The following NKAIN2 variants were observed in gnomAD, a reference collection of about 807,000 sequenced individuals.
The protein encoded by NKAIN2 is sodium/potassium transporting ATPase interacting 2.
A neutral mutation model predicts 32.6 loss-of-function variants in NKAIN2; 14 were observed. The ratio of observed to expected loss-of-function variants is 0.43; its 90% CI spans 0.28 to 0.67. NKAIN2 has a LOEUF of 0.67. Among genes scored for constraint, NKAIN2 ranks in the 30% least tolerant of loss-of-function variants. The probability of loss-of-function intolerance (pLI) is 0.17; values close to 1 mark genes in which losing one functional copy is unlikely to be tolerated. For missense variants in NKAIN2, 198 were observed against 258.3 expected (o/e 0.77, Z 1.60); for synonymous variants, 80 against 87.2 (o/e 0.92, Z 0.46).
intron 1 of NKAIN2, among the ~76,000 whole-genome samples, chr6:123,849,001 A>G (rs1353213784): frequency 2.0e-5 from 3 of 152,198 alleles, no homozygotes; most frequent in Non-Finnish European, 2.9e-5. Context: ...AAACATTTCT[A>G]TAATTCTCAG....
chr6:123,888,276 G>A (rs973294135), intron 1 of NKAIN2, among the ~76,000 whole-genome samples: 1 of 152,074 alleles, frequency 6.6e-6, no homozygotes, highest in African/African-American at 2.4e-5. Flanking sequence ...ATTAATGGAA[G>A]TCATATGTGA....
chr6:124,157,300 T>C (rs541004838), intron 1 of NKAIN2, among the ~76,000 whole-genome samples: 1 of 150,680 alleles, frequency 6.6e-6, no homozygotes, highest in Non-Finnish European at 1.5e-5. Flanking sequence ...GCATGCTTCT[T>C]CCTATGTTCT....
intron 3 of NKAIN2, among the ~76,000 whole-genome samples, chr6:124,548,000 T>G (rs1455192630): frequency 2.6e-5 from 4 of 152,198 alleles, no homozygotes. Flanking sequence ...ATGTCTCGGA[T>G]TCAGTATTAT....
chr6:124,726,216 G>A (rs1776296464), intron 4 of NKAIN2, among the ~76,000 whole-genome samples: 1 of 151,918 alleles, frequency 6.6e-6, no homozygotes, highest in African/African-American at 2.4e-5. Context: ...ACAGCTCAAG[G>A]AGGCCTGCCT....
chr6:124,133,002 G>A (rs151338190), intron 1 of NKAIN2, among the ~76,000 whole-genome samples: 3,528 of 152,254 alleles, frequency 0.023, 43 homozygotes, highest in Non-Finnish European at 0.032. Context: ...GTCATTTCTC[G>A]CAACAGGGAC....
Position 124,651,948 on chromosome 6 carries a change from A to G in NKAIN2, c.274-6238A>G, listed in dbSNP as rs555325174. ...AAAAAGGTCTTTTATTCTGTACCAT[A>G]TGGTCAAGGCTGAAACTCCTTTAAA... On this transcript the variant is annotated intron_variant, in intron 3 of 6. Coordinates refer to ENST00000368417, the MANE Select transcript of NKAIN2 (RefSeq NM_001040214.3). Among the ~76,000 whole-genome samples the G allele has an allele frequency of 2.4e-4, 36 of 152,312 alleles. 1 individual carries two copies. Among genetic ancestry groups the G allele is most frequent in the Middle Eastern group, 3.4e-3 (1 of 294 alleles).
chr6:124,616,160 A>T (rs1260636247), intron 3 of NKAIN2, among the ~76,000 whole-genome samples: 1 of 151,988 alleles, frequency 6.6e-6, no homozygotes, highest in Non-Finnish European at 1.5e-5. Flanking sequence ...TTCTGGCTGG[A>T]AACTCTGCAT....
In NKAIN2 at chr6:124,229,501, C is replaced by CAGATAGATAGATAGATAGATAGAT. The variant is rs371937856; in HGVS notation, c.55-53492_55-53469dup. On this transcript the variant is annotated intron_variant, in intron 1 of 6. Transcript: ENST00000368417. ...TTTCAAAGATAGATAGATAGATAGA[C>CAGATAGATAGATAGATAGATAGAT]AGATAGATAGATAGATAGATAGATA... Among the ~76,000 whole-genome samples, 6 of 142,974 alleles carry CAGATAGATAGATAGATAGATAGAT rather than the reference C, an allele frequency of 4.2e-5. No homozygotes were observed. In the East Asian group the frequency reaches 6.4e-4, roughly 15 times the overall value. The allele number at this position is 142,974 out of a possible 152,430, so 93.8% of individuals were successfully genotyped here.
chr6:124,156,067 G>A (rs1169764141), intron 1 of NKAIN2, among the ~76,000 whole-genome samples: 1 of 152,014 alleles, frequency 6.6e-6, no homozygotes, highest in Non-Finnish European at 1.5e-5. Context: ...TTGAATAGGA[G>A]TAAAGGTTAT....
chr6:124,368,007 A>G (rs975604715), intron 3 of NKAIN2, among the ~76,000 whole-genome samples: 9 of 152,108 alleles, frequency 5.9e-5, no homozygotes, highest in African/African-American at 1.9e-4. Context: ...AGCTCTAAGG[A>G]AAATTTAGGC....
intron 1 of NKAIN2, among the ~76,000 whole-genome samples, chr6:124,232,616 TC>T (rs1792518540): frequency 6.6e-6 from 1 of 151,208 alleles, no homozygotes; most frequent in Non-Finnish European, 1.5e-5. Context: ...TCTAAGTCTG[TC>T]TCTATGTTAT....
chr6:123,862,832 A>G (rs373489937), intron 1 of NKAIN2, among the ~76,000 whole-genome samples: 3 of 152,026 alleles, frequency 2.0e-5, no homozygotes, highest in East Asian at 3.9e-4. Flanking sequence ...ATCTTTTTCT[A>G]CGTATATGAC....
intron 5 of NKAIN2, among the ~76,000 whole-genome samples, chr6:124,817,900 C>A (rs1781236399): frequency 6.6e-6 from 1 of 152,124 alleles, no homozygotes; most frequent in East Asian, 1.9e-4. Context: ...ATTTACATGA[C>A]CTCCACCATA....
chr6:124,400,217 A>G (rs1773566914), intron 3 of NKAIN2, among the ~76,000 whole-genome samples: 1 of 152,144 alleles, frequency 6.6e-6, no homozygotes, highest in Non-Finnish European at 1.5e-5. Context: ...AGAGAACCTA[A>G]TTTAATTAGT....
At chr6:124,174,237 C>T (rs1014696056) in intron 1 of NKAIN2, among the ~76,000 whole-genome samples, 4 of 152,082 alleles carry the variant, frequency 2.6e-5, no homozygotes, top group African/African-American at 9.7e-5. Flanking sequence ...ATTCAAAATT[C>T]ATGGAATGCC....
At chr6:124,644,435 C>T (rs535577299) in intron 3 of NKAIN2, among the ~76,000 whole-genome samples, 3 of 148,368 alleles carry the variant, frequency 2.0e-5, no homozygotes, top group Non-Finnish European at 4.4e-5. Context: ...GACATAGTCT[C>T]GCTCTTTTGC....
At chr6:124,172,952 C>T (rs887330368) in intron 1 of NKAIN2, among the ~76,000 whole-genome samples, 1 of 152,064 alleles carries the variant, frequency 6.6e-6, no homozygotes, top group Non-Finnish European at 1.5e-5. Flanking sequence ...TCTACACATG[C>T]CTTTGGAATT....
At chr6:124,402,620 A>G (rs1441924186) in intron 3 of NKAIN2, among the ~76,000 whole-genome samples, 1 of 152,226 alleles carries the variant, frequency 6.6e-6, no homozygotes, top group African/African-American at 2.4e-5. Context: ...AGCCACACAC[A>G]CACAAAACAA....
chr6:124,049,609 G>A (rs781120904), intron 1 of NKAIN2, among the ~76,000 whole-genome samples: 2 of 152,010 alleles, frequency 1.3e-5, no homozygotes, highest in Admixed American at 6.6e-5. Flanking sequence ...TAAATGGAAC[G>A]TTTTAAAAAT....
Sources: allele counts gnomAD v4.1 joint callset (sites outside exome capture counted in the v4.1 genomes callset), GRCh38; gene constraint gnomAD v4.1.1; transcripts MANE v1.5; gene names NCBI Gene and HGNC (gene_info 2026-07-23, HGNC 2026-07-21).